The following DIP2C variants were observed in gnomAD, a reference collection of about 807,000 sequenced individuals.
DIP2C encodes disco-interacting protein 2 homolog C.
Under a neutral mutation model 192.4 loss-of-function variants are expected in DIP2C, and 33 were observed. The ratio of observed to expected loss-of-function variants is 0.17; its 90% confidence interval spans 0.13 to 0.23. The LOEUF is 0.23. DIP2C is among the 10% of genes least tolerant of loss of function. The pLI is 1.00. For synonymous variants in DIP2C, 979 were observed against 864.1 expected (o/e 1.13, Z -2.33); for missense variants, 1,537 against 2,110.1 (o/e 0.73, Z 5.32).
At chr10:388,391 G>A (rs1339668587) in intron 13 of DIP2C, among the ~76,000 whole-genome samples, 2 of 152,230 alleles carry the variant, frequency 1.3e-5, no homozygotes, top group African/African-American at 4.8e-5. Flanking sequence ...GCCCTGAACA[G>A]ACCTAGCTTT....
chr10:378,584 C>G, intron 17 of DIP2C, among the ~76,000 whole-genome samples: 1 of 89,898 alleles, frequency 1.1e-5, no homozygotes, highest in South Asian at 4.5e-4. Context: ...GACATGTGAA[C>G]GCAGACATAG....
chr10:588,350 G>C (rs1197685311), intron 1 of DIP2C, among the ~76,000 whole-genome samples: 1 of 152,270 alleles, frequency 6.6e-6, no homozygotes, highest in Non-Finnish European at 1.5e-5. Context: ...AACTCTGGAA[G>C]CTGAGTCAAA....
chr10:524,030 C>G (rs1032085173), intron 1 of DIP2C, among the ~76,000 whole-genome samples: 1 of 152,164 alleles, frequency 6.6e-6, no homozygotes, highest in African/African-American at 2.4e-5. Flanking sequence ...CCCAGGAGGC[C>G]GTGCAATGGC....
intron 1 of DIP2C, among the ~76,000 whole-genome samples, chr10:519,980 C>T (rs1018485765): frequency 6.6e-6 from 1 of 152,206 alleles, no homozygotes; most frequent in Non-Finnish European, 1.5e-5. Context: ...CACACCATGG[C>T]GGGCAGGAAG....
At chr10:433,575 G>GGAGGCT (rs1966937698) in intron 4 of DIP2C, among the ~76,000 whole-genome samples, 1 of 152,168 alleles carries the variant, frequency 6.6e-6, no homozygotes, top group Non-Finnish European at 1.5e-5. Context: ...CAGCTACTCG[G>GGAGGCT]GAGGCTGAGG....
At position 640,446 on chromosome 10, in the gene DIP2C, C is replaced by T. The variant is rs1855107141; in HGVS notation, c.85+49048G>A. The stretch of plus-strand genomic sequence containing the variant: ...GCTGGGGAAGAGATGCCCAAGGCTC[C>T]CTTGCGCCCTGACAGCCTCGGACTC... On this transcript the variant is annotated intron_variant, in intron 1 of 36. Transcript: ENST00000280886. Among the ~76,000 whole-genome samples, 4 of 152,226 alleles carry T rather than the reference C, an allele frequency of 2.6e-5. 1 individual carries two copies. The highest frequency in any genetic ancestry group is 2.6e-4 in the Admixed American group (4 of 15,284).
intron 2 of DIP2C, among the ~76,000 whole-genome samples, chr10:480,048 C>A (rs1843479025): frequency 6.7e-6 from 1 of 148,882 alleles, no homozygotes; most frequent in Non-Finnish European, 1.5e-5. Flanking sequence ...AGCCTGAGAC[C>A]CGGTTCACGC....
At chr10:614,342 A>AC (rs1382374017) in intron 1 of DIP2C, among the ~76,000 whole-genome samples, 1 of 152,100 alleles carries the variant, frequency 6.6e-6, no homozygotes, top group African/African-American at 2.4e-5. Context: ...GGCCAGAGTC[A>AC]CCCCAGCCCC....
At chr10:585,192 C>T (rs1044193040) in intron 1 of DIP2C, among the ~76,000 whole-genome samples, 2 of 152,238 alleles carry the variant, frequency 1.3e-5, no homozygotes, top group African/African-American at 4.8e-5. Context: ...AGAACACCGA[C>T]GTTTGTGTAG....
chr10:551,431 C>CA (rs1019814111), intron 1 of DIP2C, among the ~76,000 whole-genome samples: 45 of 152,332 alleles, frequency 3.0e-4, no homozygotes, highest in African/African-American at 1.1e-3. Flanking sequence ...TGCAGGTCTG[C>CA]ACTCGGCTTC....
intron 18 of DIP2C, 49 bp downstream of exon 18, chr10:369,445 A>G: frequency 6.8e-7 from 1 of 1,481,002 alleles, no homozygotes; most frequent in Non-Finnish European, 9.0e-7. Flanking sequence ...ATGTGTTAGA[A>G]AAGCATTTAA....
At position 487,127 on chromosome 10, in the gene DIP2C, C is replaced by T. The variant is rs140619156; in HGVS notation, c.86-597G>A. Among the ~76,000 whole-genome samples the T allele has an allele frequency of 2.2e-3, 340 of 152,308 alleles. 1 individual carries two copies. The highest frequency in any genetic ancestry group is 7.7e-3 in the African/African-American group (322 of 41,558). ...ACATGTTAAAGCTCACAGACAGCCACGGACGCGCAGCAGCCATGCCTTTCC... is the reference window on the plus strand; with the variant it reads ...ACATGTTAAAGCTCACAGACAGCCATGGACGCGCAGCAGCCATGCCTTTCC... On this transcript the variant is annotated intron_variant, in intron 1 of 36. Coordinates refer to ENST00000280886, the MANE Select transcript of DIP2C (RefSeq NM_014974.3).
rs149673654 is a variant in DIP2C, at chr10:636,660, G to C, written c.85+52834C>G. Among the ~76,000 whole-genome samples the C allele has an allele frequency of 1.3e-5, 2 of 152,190 alleles. No individual in the cohort carries two copies. The highest frequency in any genetic ancestry group is 2.9e-5 in the Non-Finnish European group (2 of 68,036). ...TTCTATCTGGGCCACACACTGCGCC[G>C]AGTGACTCTCCTTCCCCATCTTCGT... On this transcript the variant is annotated intron_variant, in intron 1 of 36. Coordinates refer to ENST00000280886, the MANE Select transcript of DIP2C (RefSeq NM_014974.3). This position sits in a 1 kb window ranked among gnomAD's most constrained non-coding sequence, Gnocchi z 4.6.
intron 30 of DIP2C, 50 bp downstream of exon 30, chr10:329,383 G>T: frequency 1.9e-6 from 3 of 1,548,528 alleles, no homozygotes; most frequent in Non-Finnish European, 2.6e-6. Flanking sequence ...TTCTTAGAAA[G>T]GAGTCCCTGT....
At chr10:350,050 G>A (rs1958716645) in intron 24 of DIP2C, among the ~76,000 whole-genome samples, 1 of 152,218 alleles carries the variant, frequency 6.6e-6, no homozygotes, top group Non-Finnish European at 1.5e-5. Context: ...GAGGGAAGGT[G>A]AGTTGCAAGA....
rs1588263667 is a variant in DIP2C at position 484,655 on chromosome 10, G to A, written c.157+1804C>T. The A allele has an allele frequency of 1.1e-5, 15 of 1,345,920 alleles. No individual in the cohort carries two copies. In the East Asian group the frequency reaches 3.8e-4, roughly 34 times the overall value. 83.4% of individuals were successfully genotyped at this position (1,345,920 alleles called of 1,614,324 possible). ...GGCCTGTGGAGCGACCTGGCTCACT[G>A]GAGAATGGGACCCTCAGGCCCCCAA... is the stretch of plus-strand genomic sequence containing the variant. On this transcript the variant is annotated intron_variant, in intron 2 of 36. Coordinates refer to ENST00000280886, the MANE Select transcript of DIP2C (RefSeq NM_014974.3).
intron 1 of DIP2C, among the ~76,000 whole-genome samples, chr10:546,632 A>G (rs1013162140): frequency 6.6e-6 from 1 of 152,248 alleles, no homozygotes; most frequent in Non-Finnish European, 1.5e-5. Flanking sequence ...TCTGCAACGC[A>G]GAGTCTGGAC....
chr10:635,127 T>G (rs1407004702), intron 1 of DIP2C, among the ~76,000 whole-genome samples: 1 of 151,920 alleles, frequency 6.6e-6, no homozygotes, highest in Non-Finnish European at 1.5e-5. Flanking sequence ...CACCCTCCAA[T>G]CCAAGGCAGA....
chr10:387,433 AC>A (rs1963047088), intron 14 of DIP2C, among the ~76,000 whole-genome samples: 1 of 151,674 alleles, frequency 6.6e-6, no homozygotes, highest in African/African-American at 2.4e-5. Flanking sequence ...TACACCCAGC[AC>A]ACTCCTGTGT....
Sources: allele counts gnomAD v4.1 joint callset (sites outside exome capture counted in the v4.1 genomes callset), GRCh38; gene constraint gnomAD v4.1.1; non-coding constraint Gnocchi (gnomAD v3.1); transcripts MANE v1.5; gene names NCBI Gene and HGNC (gene_info 2026-07-23, HGNC 2026-07-21).